Variants in NTNG1 observed in about 807,000 individuals in gnomAD.
The protein encoded by NTNG1 is netrin G1.
NTNG1 carries 16 observed loss-of-function variants against 54.0 expected under a neutral mutation model. The ratio of observed to expected loss-of-function variants is 0.30; its 90% CI spans 0.20 to 0.45. The LOEUF (loss-of-function observed/expected upper bound fraction) is 0.45, where lower values mean the gene tolerates loss of function less well. Ranked by LOEUF, NTNG1 falls within the 20% of genes least tolerant of loss-of-function variation. The pLI is 1.00. For missense variants in NTNG1, 530 were observed against 678.7 expected (o/e 0.78, Z 2.43); for synonymous variants, 255 against 263.1 (o/e 0.97, Z 0.30).
chr1:107,246,777 T>A (rs906625603), intron 2 of NTNG1, among the ~76,000 whole-genome samples: 2 of 152,196 alleles, frequency 1.3e-5, no homozygotes, highest in Non-Finnish European at 2.9e-5. Flanking sequence ...TTTCAGTGAA[T>A]CACACATAAA....
upstream of NTNG1, chr1:107,140,134 C>T: frequency 6.5e-6 from 1 of 154,650 alleles, no homozygotes; most frequent in Non-Finnish European, 1.4e-5. Flanking sequence ...GCAGCCGGAG[C>T]AGCACCAGCA....
At chr1:107,436,616 T>TA in intron 6 of NTNG1, 49 bp from the exon 7 acceptor site, 2 of 1,585,668 alleles carry the variant, frequency 1.3e-6, no homozygotes, top group Non-Finnish European at 1.7e-6. Context: ...TGATAACCTG[T>TA]AAGCCATGCA....
chr1:107,381,037 C>T (rs763949807), intron 3 of NTNG1, among the ~76,000 whole-genome samples: 3 of 151,992 alleles, frequency 2.0e-5, no homozygotes, highest in Non-Finnish European at 2.9e-5. Context: ...AAAAACTTAA[C>T]CACAGGGTCC....
At chr1:107,364,034 G>A (rs1570770862) in intron 3 of NTNG1, among the ~76,000 whole-genome samples, 1 of 152,220 alleles carries the variant, frequency 6.6e-6, no homozygotes, top group African/African-American at 2.4e-5. Flanking sequence ...TTGCTTGACT[G>A]ACTAAGAAGA....
At chr1:107,177,040 G>T (rs1335296596) in intron 2 of NTNG1, among the ~76,000 whole-genome samples, 2 of 152,084 alleles carry the variant, frequency 1.3e-5, no homozygotes, top group Admixed American at 1.3e-4. Flanking sequence ...AGAACCACTG[G>T]TCCAAGTCAA....
intron 2 of NTNG1, among the ~76,000 whole-genome samples, chr1:107,246,117 T>C (rs1449231919): frequency 6.6e-6 from 1 of 152,158 alleles, no homozygotes; most frequent in Non-Finnish European, 1.5e-5. Flanking sequence ...AGTGGTGTGA[T>C]CTCCGCTCAC....
intron 7 of NTNG1, among the ~76,000 whole-genome samples, chr1:107,439,581 A>C (rs1340722539): frequency 6.6e-6 from 1 of 152,160 alleles, no homozygotes; most frequent in Non-Finnish European, 1.5e-5. Flanking sequence ...CATCGTCCAA[A>C]CACACCTTTG....
At chr1:107,201,820 C>T (rs1211779503) in intron 2 of NTNG1, among the ~76,000 whole-genome samples, 1 of 151,838 alleles carries the variant, frequency 6.6e-6, no homozygotes, top group Non-Finnish European at 1.5e-5. Context: ...GTTCCCATTT[C>T]CTTAACATTC....
intron 3 of NTNG1, among the ~76,000 whole-genome samples, chr1:107,360,642 G>GTAT (rs1670207505): frequency 6.6e-6 from 1 of 152,166 alleles, no homozygotes; most frequent in Non-Finnish European, 1.5e-5. Context: ...ATTCTGAAAA[G>GTAT]TATTTGCAAA....
chr1:107,389,056 G>T (rs1672198018), intron 3 of NTNG1, among the ~76,000 whole-genome samples: 1 of 152,158 alleles, frequency 6.6e-6, no homozygotes, highest in Non-Finnish European at 1.5e-5. Context: ...GGGACCCAAG[G>T]GGCCTCATTA....
At chr1:107,200,446 T>C (rs1032374991) in intron 2 of NTNG1, among the ~76,000 whole-genome samples, 2 of 151,812 alleles carry the variant, frequency 1.3e-5, no homozygotes, top group Admixed American at 6.6e-5. Flanking sequence ...GAGTTTCTTT[T>C]TGAGTCTTTC....
intron 2 of NTNG1, among the ~76,000 whole-genome samples, chr1:107,151,222 T>A (rs1252349565): frequency 6.6e-6 from 1 of 152,194 alleles, no homozygotes; most frequent in Non-Finnish European, 1.5e-5. Context: ...ACCACGTCAA[T>A]GGTAATGGCC....
chr1:107,288,308 A>G (rs1665340437), intron 2 of NTNG1, among the ~76,000 whole-genome samples: 1 of 152,174 alleles, frequency 6.6e-6, no homozygotes, highest in Admixed American at 6.6e-5. Context: ...TGGAGTTTCC[A>G]TGGGACATTC....
At chr1:107,286,593 A>G (rs1438057371) in intron 2 of NTNG1, among the ~76,000 whole-genome samples, 1 of 152,220 alleles carries the variant, frequency 6.6e-6, no homozygotes, top group Non-Finnish European at 1.5e-5. Context: ...ATAGCTACAC[A>G]TTTAGAGAAG....
chr1:107,334,872 A>G (rs1362907516), intron 3 of NTNG1, among the ~76,000 whole-genome samples: 1 of 152,006 alleles, frequency 6.6e-6, no homozygotes, highest in African/African-American at 2.4e-5. Flanking sequence ...GACCATTCTG[A>G]GGACGGTTTT....
intron 7 of NTNG1, among the ~76,000 whole-genome samples, chr1:107,480,164 T>C (rs1057166643): frequency 6.6e-6 from 1 of 151,610 alleles, no homozygotes; most frequent in Non-Finnish European, 1.5e-5. Flanking sequence ...GGCCCACCCC[T>C]TAGAGGTTTT....
intron 7 of NTNG1, among the ~76,000 whole-genome samples, chr1:107,444,072 G>A (rs1459724222): frequency 6.6e-6 from 1 of 151,982 alleles, no homozygotes; most frequent in Non-Finnish European, 1.5e-5. Flanking sequence ...GTACTCCTGG[G>A]GGCAAAAAGG....
At chr1:107,179,759 G>A (rs183572527) in intron 2 of NTNG1, among the ~76,000 whole-genome samples, 12 of 151,996 alleles carry the variant, frequency 7.9e-5, no homozygotes, top group Admixed American at 3.9e-4. Context: ...TCCACCCTCC[G>A]AAATATTAAT....
rs1678691752 is a variant in NTNG1, at chr1:107,481,195, G to A, written c.*355G>A. On this transcript the variant is annotated 3_prime_UTR_variant, in exon 8 of 8. Coordinates refer to ENST00000370068, the MANE Select transcript of NTNG1 (RefSeq NM_001113226.3). The stretch of plus-strand genomic sequence containing the variant: ...TAAAAACATTGGCTACTCTAGCGTG[G>A]TGCGCCCTAGTACGACTCCGCCCAG... 3.3e-6 allele frequency: 1 copy of A among 299,084 alleles called. No individual in the cohort carries two copies. The highest frequency in any genetic ancestry group is 6.3e-6 in the Non-Finnish European group (1 of 158,356). The allele number at this position is 299,084 out of a possible 1,614,324, so 18.5% of individuals were successfully genotyped here.
Sources: allele counts gnomAD v4.1 joint callset (sites outside exome capture counted in the v4.1 genomes callset), GRCh38; gene constraint gnomAD v4.1.1; transcripts MANE v1.5; gene names NCBI Gene and HGNC (gene_info 2026-07-23, HGNC 2026-07-21).